The following VIT variants were observed in gnomAD, a reference collection of about 807,000 sequenced individuals.
The protein encoded by VIT is vitrin.
In VIT, 99 loss-of-function variants were observed where a neutral mutation model predicts 78.0. The ratio of observed to expected loss-of-function variants is 1.27; its 90% CI spans 1.08 to 1.50. VIT has a LOEUF of 1.50. Among genes scored for constraint, VIT ranks in the 40% most tolerant of loss-of-function variants. VIT has a pLI of 0.00. For synonymous variants in VIT, 374 were observed against 334.3 expected (o/e 1.12, Z -1.29); for missense variants, 1,126 against 875.3 (o/e 1.29, Z -3.61).
intron 1 of VIT, among the ~76,000 whole-genome samples, chr2:36,703,616 G>A (rs1291452959): frequency 6.6e-6 from 1 of 152,172 alleles, no homozygotes; most frequent in Non-Finnish European, 1.5e-5. Context: ...ACAGAGTTGT[G>A]AGTGAGTTCA....
Position 36,716,398 on chromosome 2 carries a change from G to A in VIT, c.28G>A (p.Ala10Thr). 6.2e-7 allele frequency: 1 copy of A among 1,613,808 alleles called. No individual in the cohort carries two copies. Reference sequence around the variant, plus strand: ...GAGGACTGTTGTTCTCACTATGAAGGCATCTGTTATTGAAATGTTCCTTGG... The same window carrying A: ...GAGGACTGTTGTTCTCACTATGAAGACATCTGTTATTGAAATGTTCCTTGG... MRTVVLTMKASVIEMFLVLL... is the reference protein window; with the variant it reads MRTVVLTMKTSVIEMFLVLL... The change falls in exon 2 of 16, where the codon GCA (alanine) becomes ACA (threonine). Residue 10 changes from alanine (A) to threonine (T), a missense_variant. Transcript: ENST00000379242.
intron 7 of VIT, among the ~76,000 whole-genome samples, chr2:36,773,264 A>G (rs1669861061): frequency 6.6e-6 from 1 of 152,194 alleles, no homozygotes. Context: ...GATAGTTGTG[A>G]AATACAAAGG....
chr2:36,745,497 T>C (rs1668082637), intron 4 of VIT, among the ~76,000 whole-genome samples: 1 of 152,112 alleles, frequency 6.6e-6, no homozygotes, highest in South Asian at 2.1e-4. Context: ...TCCAGGAGTG[T>C]TTTACAATTC....
At chr2:36,708,314 TA>T (rs1319070405) in intron 1 of VIT, among the ~76,000 whole-genome samples, 1 of 152,184 alleles carries the variant, frequency 6.6e-6, no homozygotes, top group African/African-American at 2.4e-5. Flanking sequence ...TTATAACTCG[TA>T]AATGTTTCCA....
chr2:36,801,550 G>C (rs576195254), intron 13 of VIT, 146 bp downstream of exon 13: 25 of 696,170 alleles, frequency 3.6e-5, no homozygotes, highest in Middle Eastern at 6.7e-4. Flanking sequence ...GTTCACACCT[G>C]TTATCCCAGC....
intron 12 of VIT, among the ~76,000 whole-genome samples, chr2:36,790,153 C>T (rs1184585860): frequency 2.6e-5 from 4 of 152,212 alleles, no homozygotes; most frequent in African/African-American, 9.6e-5. Flanking sequence ...AAATGCAACA[C>T]ATCTTGACTC....
Position 36,808,777 on chromosome 2 carries a change from C to G in VIT, c.1695C>G (p.Asp565Glu), listed in dbSNP as rs569575057. ...AACAGCGGCTGGAGTTTGGGTTCGACAAGTACAGCAGCAAGCCTGACATCC... is the reference window on the plus strand; with the variant it reads ...AACAGCGGCTGGAGTTTGGGTTCGAGAAGTACAGCAGCAAGCCTGACATCC... Reference protein sequence around the residue: ...TYEQRLEFGFDKYSSKPDILN... With the variant: ...TYEQRLEFGFEKYSSKPDILN... Residue 565 changes from aspartate to glutamate, a missense_variant, in exon 15 of 16, where the codon GAC becomes GAG. Physicochemically the swap from Asp to Glu is conservative, Grantham distance 45. Coordinates refer to ENST00000379242, the MANE Select transcript of VIT (RefSeq NM_053276.4). The G allele has an allele frequency of 2.5e-6, 4 of 1,613,970 alleles. No individual in the cohort carries two copies. In the South Asian group the frequency reaches 4.4e-5, roughly 18 times the overall value.
At position 36,767,424 on chromosome 2, in the gene VIT, G is replaced by GTCC. The variant is rs550513757; in HGVS notation, c.679+147_679+149dup. ...ACTGGGCCGGGGGTATGTTATTTGT[G>GTCC]TCCTCCTCCTAGATTCAAGGGAGGA... On this transcript the variant is annotated intron_variant, in intron 7 of 15. Coordinates refer to ENST00000379242, the MANE Select transcript of VIT (RefSeq NM_053276.4). The GTCC allele has an allele frequency of 4.7e-5, 39 of 821,140 alleles. 1 individual carries two copies. In the South Asian group the frequency reaches 1.4e-3, roughly 30 times the overall value. The allele number at this position is 821,140 out of a possible 1,614,324, so 50.9% of individuals were successfully genotyped here. A position where few individuals can be genotyped will look rare whatever the true frequency, so the allele number is the denominator to read the frequency against.
At chr2:36,746,167 C>A (rs953278997) in intron 4 of VIT, among the ~76,000 whole-genome samples, 1 of 151,938 alleles carries the variant, frequency 6.6e-6, no homozygotes, top group Non-Finnish European at 1.5e-5. Context: ...TACTTGATTG[C>A]GGTGAATTAG....
At chr2:36,708,197 G>C (rs374219592) in intron 1 of VIT, among the ~76,000 whole-genome samples, 2 of 150,180 alleles carry the variant, frequency 1.3e-5, no homozygotes, top group Middle Eastern at 3.2e-3. Context: ...GAGGCTTTAC[G>C]GTCAGGCAGA....
Position 36,767,191 on chromosome 2 carries a change from C to T in VIT, c.585C>T (p.Ala195=), listed in dbSNP as rs1405659988. 2 of 1,610,264 alleles carry T rather than the reference C, an allele frequency of 1.2e-6. No homozygotes were observed. The highest frequency in any genetic ancestry group is 1.1e-5 in the South Asian group (1 of 90,032). The change falls in exon 7 of 16, where the codon GCC becomes GCT. Residue 195 remains alanine, a synonymous_variant. Coordinates refer to ENST00000379242, the MANE Select transcript of VIT (RefSeq NM_053276.4). The stretch of plus-strand genomic sequence containing the variant: ...TTCTGGCTGTCACTGTAGCTGTGGC[C>T]ACCCCCACCACCTTGCCAAGGCCAT... The part of the protein sequence containing the change: ...MQLLAVTVAV[A]TPTTLPRPSP...
intron 12 of VIT, chr2:36,788,097 G>A: frequency 3.8e-6 from 1 of 261,986 alleles, no homozygotes; most frequent in Non-Finnish European, 7.5e-6. Context: ...TAAATAGGTA[G>A]CCTTTTGACC....
Position 36,801,380 on chromosome 2 carries a change from C to G in VIT, c.1138C>G (p.Gln380Glu), listed in dbSNP as rs771188319. The G allele has an allele frequency of 1.9e-6, 3 of 1,613,754 alleles. No homozygotes were observed. The highest frequency in any genetic ancestry group is 1.3e-5 in the African/African-American group (1 of 75,026). Reference protein sequence around the residue: ...DLKTAIEKITQRGGLSNVGRA... With the variant: ...DLKTAIEKITERGGLSNVGRA... ...GAAGACAGCCATAGAGAAAATTACTCAGAGAGGAGGACTTTCTAATGTAGG... is the reference window on the plus strand; with the variant it reads ...GAAGACAGCCATAGAGAAAATTACTGAGAGAGGAGGACTTTCTAATGTAGG... Residue 380 changes from glutamine to glutamate, a missense_variant, in exon 13 of 16, where the codon CAG (glutamine) becomes GAG (glutamate). Gln to Glu is a conservative substitution (Grantham distance 29, BLOSUM62 2). Coordinates refer to ENST00000379242, the MANE Select transcript of VIT (RefSeq NM_053276.4).
chr2:36,792,820 T>C (rs1219583089), intron 12 of VIT, among the ~76,000 whole-genome samples: 2 of 152,086 alleles, frequency 1.3e-5, no homozygotes, highest in African/African-American at 2.4e-5. Context: ...TCCACCCTCC[T>C]CCCTTTCTCT....
chr2:36,808,399 G>T, intron 14 of VIT, 73 bp from the exon 15 acceptor site: 1 of 1,512,772 alleles, frequency 6.6e-7, no homozygotes, highest in East Asian at 2.3e-5. Flanking sequence ...CCTGCCCCGG[G>T]GGATCAAGCC....
intron 4 of VIT, among the ~76,000 whole-genome samples, chr2:36,753,787 A>G (rs1283628573): frequency 6.6e-6 from 1 of 152,150 alleles, no homozygotes; most frequent in Non-Finnish European, 1.5e-5. Flanking sequence ...GCCCGGAGAG[A>G]AGAGAGCGAG....
At chr2:36,812,424 T>C (rs889069854) in intron 15 of VIT, among the ~76,000 whole-genome samples, 2 of 142,906 alleles carry the variant, frequency 1.4e-5, no homozygotes, top group African/African-American at 3.1e-5. Flanking sequence ...AATAGGCTAT[T>C]GTAGAGTAAG....
At position 36,703,916 on chromosome 2, in the gene VIT, TTTGTTTGTTTTTTGTTTTTG is replaced by T. The variant is rs1290963098; in HGVS notation, c.-19+6946_-19+6965del. Reference sequence around the variant, plus strand: ...TTTGTTTGTTTGTTTGGGGTTTTTTTTTGTTTGTTTTTTGTTTTTGTTTTTTTTTTTTGGAGACTCACTCT... The same window carrying T: ...TTTGTTTGTTTGTTTGGGGTTTTTTTTTTTTTTTTTTTGGAGACTCACTCT... On this transcript the variant is annotated intron_variant, in intron 1 of 15. Transcript: ENST00000379242. Among the ~76,000 whole-genome samples the T allele has an allele frequency of 4.1e-4, 19 of 45,874 alleles. 6 individuals carry two copies. Among genetic ancestry groups the T allele is most frequent in the Non-Finnish European group, 8.3e-4 (14 of 16,954 alleles). 30.1% of individuals were successfully genotyped at this position (45,874 alleles called of 152,430 possible). A position where few individuals can be genotyped will look rare whatever the true frequency, so the allele number is the denominator to read the frequency against.
rs141702368 is a variant in VIT, at chr2:36,731,536, G to C, written c.118+2045G>C. 7.7e-3 allele frequency among the ~76,000 whole-genome samples: 1,167 copies of C among 152,258 alleles called. 17 individuals are homozygous for C. The highest frequency in any genetic ancestry group is 0.027 in the African/African-American group (1,112 of 41,566). ...GATCCACCTGCCTTGGCCTCACAAAGTGCTGGGATTACAGGCGTGAGCCAC... is the reference window on the plus strand; with the variant it reads ...GATCCACCTGCCTTGGCCTCACAAACTGCTGGGATTACAGGCGTGAGCCAC... On this transcript the variant is annotated intron_variant, in intron 3 of 15. Transcript: ENST00000379242.
Sources: allele counts gnomAD v4.1 joint callset (sites outside exome capture counted in the v4.1 genomes callset), GRCh38; gene constraint gnomAD v4.1.1; transcripts MANE v1.5; gene names NCBI Gene and HGNC (gene_info 2026-07-23, HGNC 2026-07-21).